Variants in SPNS2 observed in about 807,000 individuals in gnomAD.
SPNS2 encodes the protein sphingosine-1-phosphate transporter SPNS2.
SPNS2 carries 37 observed loss-of-function variants against 57.6 expected under a neutral mutation model. The observed-to-expected ratio is 0.64, with a 90% CI of 0.49 to 0.85. SPNS2 has a LOEUF of 0.85. SPNS2 is among the 40% of genes least tolerant of loss of function. The pLI, the probability that SPNS2 is intolerant of heterozygous loss-of-function variation, is 0.00. For synonymous variants in SPNS2, 440 were observed against 346.9 expected (o/e 1.27, Z -2.98); for missense variants, 831 against 779.1 (o/e 1.07, Z -0.79).
chr17:4,532,553 C>T lies in SPNS2; in HGVS notation c.804C>T (p.Val268=), dbSNP rs774621594. The T allele has an allele frequency of 6.2e-7, 1 of 1,614,186 alleles. No homozygotes were observed. The highest frequency in any genetic ancestry group is 8.5e-7 in the Non-Finnish European group (1 of 1,180,048). ...CTGCTCTCTGGCAGGTGTCCCCTGT[C>T]CTGGGCATGATCACAGGAACACTCA... ...DWHWALRVSP[V]LGMITGTLIL... is the part of the protein sequence containing the mutation. The change falls in exon 6 of 13, where the codon GTC becomes GTT. Residue 268 remains valine, a synonymous_variant. Coordinates refer to ENST00000329078, the MANE Select transcript of SPNS2 (RefSeq NM_001124758.3).
chr17:4,530,581 A>T, intron 3 of SPNS2, 51 bp from the exon 4 acceptor site: 12 of 1,576,106 alleles, frequency 7.6e-6, no homozygotes, highest in Non-Finnish European at 1.0e-5. Context: ...AAGGGATGAC[A>T]GGCAGACGGT....
intron 9 of SPNS2, among the ~76,000 whole-genome samples, chr17:4,535,843 A>AG: frequency 8.0e-6 from 1 of 124,582 alleles, no homozygotes; most frequent in East Asian, 2.5e-4. Context: ...TGTGGGTGGG[A>AG]GGGGCTCAGG....
At chr17:4,516,574 G>C (rs1905001456) in intron 2 of SPNS2, among the ~76,000 whole-genome samples, 1 of 148,678 alleles carries the variant, frequency 6.7e-6, no homozygotes, top group Non-Finnish European at 1.5e-5. Flanking sequence ...GGACGGCAGA[G>C]AGCGTGCACC....
rs1046344106 is a variant in SPNS2 at position 4,512,125 on chromosome 17, A to C, written c.371-1122A>C. Among the ~76,000 whole-genome samples the C allele has an allele frequency of 6.6e-6, 1 of 152,222 alleles. No homozygotes were observed. Among genetic ancestry groups the C allele is most frequent in the South Asian group, 2.1e-4 (1 of 4,830 alleles). On this transcript the variant is annotated intron_variant, in intron 1 of 12. Transcript: ENST00000329078. This position sits in a 1 kb window ranked among gnomAD's most constrained non-coding sequence, Gnocchi z 5.2. ...GCTGCCATCATCATCGTCATCATGA[A>C]GAGCTCTGGAGTCCCCCAAAGGCTT...
chr17:4,518,177 T>A (rs1440117623), intron 2 of SPNS2, among the ~76,000 whole-genome samples: 1 of 152,070 alleles, frequency 6.6e-6, no homozygotes, highest in African/African-American at 2.4e-5. Context: ...GTAGGTTTTG[T>A]CTTGGGGCAG....
rs1203852215 is a variant in SPNS2, at chr17:4,538,750, G to A, written c.*1302G>A. 8 of 713,208 alleles carry A rather than the reference G, an allele frequency of 1.1e-5. No homozygotes were observed. Among genetic ancestry groups the A allele is most frequent in the South Asian group, 6.0e-5 (4 of 67,154 alleles). 44.2% of individuals were successfully genotyped at this position (713,208 alleles called of 1,614,324 possible). A position where few individuals can be genotyped will look rare whatever the true frequency, so the allele number is the denominator to read the frequency against. ...TGGCTTCAGTGGTGTGTAAGCAGGT[G>A]GAATACTCACCCACCAAGCTCTGGG... On this transcript the variant is annotated 3_prime_UTR_variant, in exon 13 of 13. Coordinates refer to ENST00000329078, the MANE Select transcript of SPNS2 (RefSeq NM_001124758.3).
rs748904049 is a variant in SPNS2, at chr17:4,537,491, G to A, written c.*43G>A. The A allele has an allele frequency of 7.2e-5, 33 of 456,660 alleles. 1 individual carries two copies. Among genetic ancestry groups the A allele is most frequent in the Admixed American group, 2.1e-4 (9 of 42,564 alleles). The allele number at this position is 456,660 out of a possible 1,614,324, so 28.3% of individuals were successfully genotyped here. A position where few individuals can be genotyped will look rare whatever the true frequency, so the allele number is the denominator to read the frequency against. On this transcript the variant is annotated 3_prime_UTR_variant, in exon 13 of 13. Transcript: ENST00000329078. ...AATGAAGAACCCACACTCCCACCTCGTCTGGGAGGTGTCCTACAGCGTCCG... is the reference window on the plus strand; with the variant it reads ...AATGAAGAACCCACACTCCCACCTCATCTGGGAGGTGTCCTACAGCGTCCG...
Position 4,536,350 on chromosome 17 carries a change from G to A in SPNS2, c.1531G>A (p.Val511Ile), listed in dbSNP as rs575864252. 26 of 1,611,076 alleles carry A rather than the reference G, an allele frequency of 1.6e-5. No homozygotes were observed. The highest frequency in any genetic ancestry group is 5.5e-5 in the South Asian group (5 of 91,088). ...CTACGCGCTCATGCTCTGCCCTTTC[G>A]TCGTGGTCCTGGGCGGCATGTTCTT... is the stretch of plus-strand genomic sequence containing the variant. ...LGYALMLCPF[V>I]VVLGGMFFLA... Residue 511 changes from valine (V) to isoleucine (I), a missense_variant, in exon 11 of 13, where the codon GTC (valine) becomes ATC (isoleucine). Transcript: ENST00000329078.
chr17:4,504,189 C>T (rs995737156), intron 1 of SPNS2, among the ~76,000 whole-genome samples: 8 of 152,196 alleles, frequency 5.3e-5, no homozygotes, highest in Non-Finnish European at 8.8e-5. Flanking sequence ...TGGCCTTGTC[C>T]TGGCCACTGC....
chr17:4,533,200 T>C lies in SPNS2; in HGVS notation c.1089-43T>C, dbSNP rs755618446. The C allele has an allele frequency of 7.0e-6, 11 of 1,581,060 alleles. No individual in the cohort carries two copies. In the Admixed American group the frequency reaches 1.7e-4, roughly 25 times the overall value. On this transcript the variant is annotated intron_variant, in intron 7 of 12. Coordinates refer to ENST00000329078, the MANE Select transcript of SPNS2 (RefSeq NM_001124758.3). ...CAGGAGAGCCCCTCAGCCTTAGCCC[T>C]GAGCCGCCTCAACTCGTGCGCCACC...
chr17:4,525,216 C>T (rs899188465), intron 3 of SPNS2, 23 bp downstream of exon 3: 1 of 1,612,786 alleles, frequency 6.2e-7, no homozygotes, highest in Non-Finnish European at 8.5e-7. Flanking sequence ...TCGGCTTCTC[C>T]CCGACCCCTG....
intron 3 of SPNS2, among the ~76,000 whole-genome samples, chr17:4,529,002 T>C (rs1298993369): frequency 2.0e-5 from 3 of 151,722 alleles, no homozygotes; most frequent in African/African-American, 7.3e-5. Flanking sequence ...AGTGGCGCAA[T>C]CTTGGCTCAC....
chr17:4,499,356 AGCC>A lies in SPNS2; in HGVS notation c.316_318del (p.Ala106del). ...CCAGCTTGGGCCGCGGGCGGGGGGC[AGCC>A]GCCGCCATCCTCAGCTTGGGCAACG... On this transcript the variant is annotated inframe_deletion, in exon 1 of 13. Coordinates refer to ENST00000329078, the MANE Select transcript of SPNS2 (RefSeq NM_001124758.3). The surrounding 1 kb of genome is among the most constrained non-coding windows in gnomAD (Gnocchi z 5.2). 2 of 1,432,398 alleles carry A rather than the reference AGCC, an allele frequency of 1.4e-6. No homozygotes were observed. The highest frequency in any genetic ancestry group is 1.8e-6 in the Non-Finnish European group (2 of 1,097,286). 88.7% of individuals were successfully genotyped at this position (1,432,398 alleles called of 1,614,324 possible).
At position 4,533,258 on chromosome 17, in the gene SPNS2, C is replaced by G. The variant is rs373959099; in HGVS notation, c.1104C>G (p.Ala368=). ...CGAKDSLIFG[A]ITCFTGFLGV... is the part of the protein sequence containing the mutation. ...GTCCCCACAGCCTCATCTTTGGGGC[C>G]ATCACCTGCTTTACGGGATTTCTGG... The change falls in exon 8 of 13, where the codon GCC becomes GCG. Residue 368 remains alanine (A), a synonymous_variant. Transcript: ENST00000329078. 89 of 1,604,512 alleles carry G rather than the reference C, an allele frequency of 5.5e-5. No individual in the cohort carries two copies. Among genetic ancestry groups the G allele is most frequent in the Non-Finnish European group, 7.3e-5 (86 of 1,174,420 alleles).
chr17:4,536,086 T>G lies in SPNS2; in HGVS notation c.1355T>G (p.Ile452Ser). ...ITADILMYVVIPTRRATAVAL... is the reference protein window; with the variant it reads ...ITADILMYVVSPTRRATAVAL... ...CCGCCTGTTCCGCAGTACGTGGTCA[T>G]CCCCACGCGGCGCGCCACTGCCGTG... The change falls in exon 10 of 13, where the codon ATC becomes AGC. Residue 452 changes from isoleucine to serine, a missense_variant. Transcript: ENST00000329078. The G allele has an allele frequency of 6.2e-7, 1 of 1,611,646 alleles. No homozygotes were observed. Among genetic ancestry groups the G allele is most frequent in the Non-Finnish European group, 8.5e-7 (1 of 1,179,690 alleles).
intron 9 of SPNS2, 39 bp from the exon 10 acceptor site, chr17:4,536,037 T>G (rs1167625801): frequency 6.3e-7 from 1 of 1,586,916 alleles, no homozygotes; most frequent in Admixed American, 1.7e-5. Flanking sequence ...CGCGTGAGCC[T>G]TTCTCCTCTG....
At chr17:4,505,898 C>G (rs1041211257) in intron 1 of SPNS2, among the ~76,000 whole-genome samples, 2 of 152,182 alleles carry the variant, frequency 1.3e-5, no homozygotes, top group Non-Finnish European at 2.9e-5. Flanking sequence ...ACGAGGTCTT[C>G]GTGATTCCTT....
chr17:4,533,510 T>A, intron 8 of SPNS2, 78 bp downstream of exon 8: 1 of 1,421,320 alleles, frequency 7.0e-7, no homozygotes, highest in Non-Finnish European at 9.5e-7. Flanking sequence ...ACATTCGGTC[T>A]GACTTACTGG....
Position 4,533,130 on chromosome 17 carries a change from GT to G in SPNS2, c.1088+2del. Reference sequence around the variant, plus strand: ...GCCCGCCCTGTGGGGCCAAGGACAGGTGGGGCCCCGCGGGGTGGGCCCAGGG... The same window carrying G: ...GCCCGCCCTGTGGGGCCAAGGACAGGGGGGCCCCGCGGGGTGGGCCCAGGG... On this transcript the variant is annotated splice_donor_variant, in intron 7 of 12. Transcript: ENST00000329078. LOFTEE classifies it high-confidence loss of function. 1 of 1,607,170 alleles carries G rather than the reference GT, an allele frequency of 6.2e-7. No homozygotes were observed. Among genetic ancestry groups the G allele is most frequent in the Non-Finnish European group, 8.5e-7 (1 of 1,176,584 alleles).
Sources: gnomAD v4.1 joint callset for allele counts (sites outside exome capture counted in the v4.1 genomes callset) on GRCh38, gnomAD v4.1.1 for gene constraint, Gnocchi (gnomAD v3.1) non-coding constraint, MANE v1.5 for transcripts, NCBI Gene and HGNC (gene_info 2026-07-23, HGNC 2026-07-21) for gene names.